The following DPP10 variants were observed in gnomAD, a reference collection of about 807,000 sequenced individuals.
DPP10 encodes inactive dipeptidyl peptidase 10.
DPP10 carries 33 observed loss-of-function variants against 120.9 expected under a neutral mutation model. The observed-to-expected ratio is 0.27, with a 90% CI of 0.21 to 0.37. DPP10 has a LOEUF of 0.37. DPP10 is among the 10% of genes least tolerant of loss of function. DPP10 has a pLI of 1.00. For synonymous variants in DPP10, 337 were observed against 326.1 expected (o/e 1.03, Z -0.36); for missense variants, 816 against 942.8 (o/e 0.87, Z 1.76).
chr2:114,762,625 T>A (rs904807727), intron 1 of DPP10, among the ~76,000 whole-genome samples: 2 of 152,060 alleles, frequency 1.3e-5, no homozygotes, highest in Admixed American at 6.5e-5. Context: ...TAGCTATGAG[T>A]TTCCCTCCTA....
chr2:114,783,598 A>T (rs1404403909), intron 1 of DPP10, among the ~76,000 whole-genome samples: 3 of 152,232 alleles, frequency 2.0e-5, no homozygotes, highest in African/African-American at 7.2e-5. Flanking sequence ...GCACTTTGAC[A>T]GGCCAAGAAG....
intron 1 of DPP10, among the ~76,000 whole-genome samples, chr2:115,277,511 T>C (rs944229851): frequency 3.8e-5 from 5 of 131,148 alleles, no homozygotes; most frequent in Non-Finnish European, 6.3e-5. Context: ...TTGTACTCCT[T>C]ACATGACATT....
At chr2:114,525,963 A>G (rs922058005) in intron 1 of DPP10, among the ~76,000 whole-genome samples, 2 of 152,222 alleles carry the variant, frequency 1.3e-5, no homozygotes, top group Admixed American at 6.5e-5. Context: ...TTTAGGCACA[A>G]GCAAGGTGCT....
At chr2:115,428,013 T>G (rs767965121) in intron 3 of DPP10, among the ~76,000 whole-genome samples, 4 of 152,176 alleles carry the variant, frequency 2.6e-5, no homozygotes, top group Non-Finnish European at 4.4e-5. Context: ...AGTTCAAACT[T>G]CCACAGATCC....
At chr2:115,365,306 C>G (rs1046343885) in intron 3 of DPP10, among the ~76,000 whole-genome samples, 2 of 151,812 alleles carry the variant, frequency 1.3e-5, no homozygotes, top group African/African-American at 4.8e-5. Context: ...AAGAAAAATG[C>G]AAACATGGAG....
At chr2:115,110,366 C>G (rs1204851561) in intron 1 of DPP10, among the ~76,000 whole-genome samples, 2 of 152,132 alleles carry the variant, frequency 1.3e-5, no homozygotes, top group Non-Finnish European at 2.9e-5. Flanking sequence ...GACATTTTCC[C>G]TTGCCTGTCT....
intron 1 of DPP10, among the ~76,000 whole-genome samples, chr2:115,085,575 C>G (rs1708623812): frequency 6.6e-6 from 1 of 152,000 alleles, no homozygotes; most frequent in African/African-American, 2.4e-5. Flanking sequence ...TTGAAAAAGC[C>G]AAATTTCAAA....
chr2:115,587,227 A>G (rs1386649317), intron 5 of DPP10, among the ~76,000 whole-genome samples: 1 of 151,224 alleles, frequency 6.6e-6, no homozygotes, highest in African/African-American at 2.4e-5. Context: ...CTTCCCGAGT[A>G]GCTGGGACAA....
At chr2:114,488,393 G>T (rs1038286010) in intron 1 of DPP10, among the ~76,000 whole-genome samples, 1 of 152,142 alleles carries the variant, frequency 6.6e-6, no homozygotes, top group Non-Finnish European at 1.5e-5. Context: ...ATTAAGTGAG[G>T]ACACATATTT....
chr2:115,000,230 GC>G (rs1701351839), intron 1 of DPP10, among the ~76,000 whole-genome samples: 1 of 150,944 alleles, frequency 6.6e-6, no homozygotes, highest in Admixed American at 6.6e-5. Flanking sequence ...CTATATATGT[GC>G]TTTTTTGTAA....
chr2:115,785,071 G>A (rs1683175702), intron 17 of DPP10, among the ~76,000 whole-genome samples: 2 of 152,178 alleles, frequency 1.3e-5, no homozygotes, highest in Non-Finnish European at 2.9e-5. Flanking sequence ...CTCTGGCCTA[G>A]AAGTACTTTC....
chr2:114,579,446 C>T (rs1162812482), intron 1 of DPP10, among the ~76,000 whole-genome samples: 2 of 152,158 alleles, frequency 1.3e-5, no homozygotes, highest in East Asian at 3.9e-4. Flanking sequence ...TACTGAAACT[C>T]TCTTCTCCTG....
intron 3 of DPP10, among the ~76,000 whole-genome samples, chr2:115,389,460 C>T (rs551305710): frequency 6.6e-6 from 1 of 152,258 alleles, no homozygotes; most frequent in East Asian, 1.9e-4. Context: ...GAGAAGGAAT[C>T]ATTGCTATTT....
rs770757114 is a variant in DPP10, at chr2:115,801,746, C to T, written c.1700+10390C>T. Reference sequence around the variant, plus strand: ...ATGCTGGATTACGTTTATTGATTTTCGTATGTTGAACCAGCCTTGCATCCC... The same window carrying T: ...ATGCTGGATTACGTTTATTGATTTTTGTATGTTGAACCAGCCTTGCATCCC... On this transcript the variant is annotated intron_variant, in intron 19 of 25. Coordinates refer to ENST00000410059, the MANE Select transcript of DPP10 (RefSeq NM_020868.6). Among the ~76,000 whole-genome samples the T allele has an allele frequency of 5.3e-5, 8 of 152,146 alleles. No individual in the cohort carries two copies. In the South Asian group the frequency reaches 6.2e-4, roughly 12 times the overall value.
rs189012501 is a variant in DPP10, at chr2:115,367,247, T to C, written c.271+23335T>C. 1.2e-3 allele frequency among the ~76,000 whole-genome samples: 186 copies of C among 152,086 alleles called. 3 individuals carry two copies. The highest frequency in any genetic ancestry group is 4.1e-3 in the African/African-American group (172 of 41,520). On this transcript the variant is annotated intron_variant, in intron 3 of 25. Coordinates refer to ENST00000410059, the MANE Select transcript of DPP10 (RefSeq NM_020868.6). ...TTTATTTTGGTTTTGATTATGTTTG[T>C]TTGTGTGTGCGTGTGTGTGTTGTTT...
chr2:114,714,464 C>G (rs892820902), intron 1 of DPP10, among the ~76,000 whole-genome samples: 5 of 152,032 alleles, frequency 3.3e-5, no homozygotes, highest in African/African-American at 9.7e-5. Context: ...ACAACAAAAG[C>G]AGGAACAAAG....
intron 3 of DPP10, among the ~76,000 whole-genome samples, chr2:115,355,339 G>A (rs186083573): frequency 4.0e-5 from 6 of 151,824 alleles, no homozygotes; most frequent in Non-Finnish European, 4.4e-5. Flanking sequence ...TCATATGTTT[G>A]TTGGCCGTGT....
intron 5 of DPP10, among the ~76,000 whole-genome samples, chr2:115,656,346 C>A (rs1165965604): frequency 2.0e-5 from 3 of 151,382 alleles, no homozygotes; most frequent in African/African-American, 7.3e-5. Flanking sequence ...AATGTTCATA[C>A]ATTGTGTTAG....
At chr2:115,755,403 C>T (rs1161629041) in intron 11 of DPP10, among the ~76,000 whole-genome samples, 2 of 151,910 alleles carry the variant, frequency 1.3e-5, no homozygotes, top group African/African-American at 4.8e-5. Flanking sequence ...TGCATCAGAA[C>T]AGATATTAGG....
Sources: gnomAD v4.1 joint callset for allele counts (sites outside exome capture counted in the v4.1 genomes callset) on GRCh38, gnomAD v4.1.1 for gene constraint, MANE v1.5 for transcripts, NCBI Gene and HGNC (gene_info 2026-07-23, HGNC 2026-07-21) for gene names.